The following ENPEP variants were observed in gnomAD, a reference collection of about 807,000 sequenced individuals.
ENPEP encodes glutamyl aminopeptidase, also known as AP-A.
Under a neutral mutation model 114.5 loss-of-function variants are expected in ENPEP, and 103 were observed. The ratio of observed to expected loss-of-function variants is 0.90; its 90% CI spans 0.77 to 1.06. The LOEUF is 1.06. Among genes scored for constraint, ENPEP ranks in the 50% least tolerant of loss-of-function variants. The pLI is 0.00. For missense variants in ENPEP, 1,196 were observed against 1,161.3 expected, an observed-to-expected ratio of 1.03 and a Z score of -0.43; for synonymous variants, 420 against 422.0, an observed-to-expected ratio of 1.00 and a Z score of 0.06.
intron 11 of ENPEP, among the ~76,000 whole-genome samples, chr4:110,535,353 A>G (rs1388708813): frequency 6.6e-6 from 1 of 152,164 alleles, no homozygotes; most frequent in Non-Finnish European, 1.5e-5. Context: ...TGTGATAATT[A>G]TACATAAATA....
intron 10 of ENPEP, 83 bp downstream of exon 10, chr4:110,520,449 A>C: frequency 7.2e-7 from 1 of 1,383,478 alleles, no homozygotes; most frequent in South Asian, 1.2e-5. Flanking sequence ...TGTTGAGTAC[A>C]TGATGGATGA....
intron 11 of ENPEP, among the ~76,000 whole-genome samples, chr4:110,536,897 C>T (rs548647364): frequency 2.0e-5 from 3 of 152,130 alleles, no homozygotes; most frequent in Non-Finnish European, 4.4e-5. Context: ...CGCAATAAAG[C>T]AAATATCACA....
chr4:110,520,828 G>A (rs1216831362), intron 10 of ENPEP, among the ~76,000 whole-genome samples: 1 of 152,162 alleles, frequency 6.6e-6, no homozygotes, highest in Non-Finnish European at 1.5e-5. Context: ...ACAATGAATT[G>A]AAAGTCTAGT....
At chr4:110,529,554 A>G (rs1262499033) in intron 10 of ENPEP, among the ~76,000 whole-genome samples, 1 of 152,196 alleles carries the variant, frequency 6.6e-6, no homozygotes, top group African/African-American at 2.4e-5. Flanking sequence ...TCCTGCAGGA[A>G]AGTCCTGGAG....
rs554993728 is a variant in ENPEP at position 110,563,634 on chromosome 4, A to G, written c.*2076A>G. 6.6e-6 allele frequency: 1 copy of G among 152,186 alleles called. No individual in the cohort carries two copies. Among genetic ancestry groups the G allele is most frequent in the South Asian group, 2.1e-4 (1 of 4,836 alleles). The allele number at this position is 152,186 out of a possible 1,614,324, so 9.4% of individuals were successfully genotyped here. A position where few individuals can be genotyped will look rare whatever the true frequency, so the allele number is the denominator to read the frequency against. On this transcript the variant is annotated 3_prime_UTR_variant, in exon 20 of 20. Transcript: ENST00000265162. ...TATGATGTTTCCAAAATTAAGCCAC[A>G]GTAAATTTAAATAATTAATTTTAAT...
chr4:110,541,847 A>AC (rs1726858037), intron 11 of ENPEP, among the ~76,000 whole-genome samples: 1 of 152,142 alleles, frequency 6.6e-6, no homozygotes, highest in East Asian at 1.9e-4. Flanking sequence ...ATGTAAACAA[A>AC]AGAGTGTATG....
chr4:110,555,217 T>C (rs114855002), intron 18 of ENPEP, among the ~76,000 whole-genome samples: 3,326 of 152,074 alleles, frequency 0.022, 108 homozygotes, highest in African/African-American at 0.076. Context: ...TGGCCCCAAA[T>C]GTAAAATTGC....
At chr4:110,546,316 C>T (rs1209318480) in intron 13 of ENPEP, among the ~76,000 whole-genome samples, 1 of 151,756 alleles carries the variant, frequency 6.6e-6, no homozygotes, top group Admixed American at 6.6e-5. Flanking sequence ...TTCTTCCCCC[C>T]ACCCCGCCCC....
chr4:110,525,622 T>A (rs1726166989), intron 10 of ENPEP, among the ~76,000 whole-genome samples: 1 of 151,864 alleles, frequency 6.6e-6, no homozygotes, highest in African/African-American at 2.4e-5. Context: ...AATTATCTTG[T>A]AGCAATTAGA....
At chr4:110,513,036 T>TA (rs1263128724) in intron 6 of ENPEP, 1 of 154,894 alleles carries the variant, frequency 6.5e-6, no homozygotes, top group Non-Finnish European at 1.4e-5. Flanking sequence ...GGCAAATTGA[T>TA]ATGCAACCTC....
intron 10 of ENPEP, among the ~76,000 whole-genome samples, chr4:110,527,950 T>C (rs1360967499): frequency 6.6e-6 from 1 of 152,202 alleles, no homozygotes; most frequent in Non-Finnish European, 1.5e-5. Flanking sequence ...TATGAATTTC[T>C]CTTCACACAA....
At chr4:110,522,846 C>T (rs1266718137) in intron 10 of ENPEP, among the ~76,000 whole-genome samples, 3 of 152,010 alleles carry the variant, frequency 2.0e-5, no homozygotes, top group Non-Finnish European at 4.4e-5. Flanking sequence ...ATGATTTCCA[C>T]ATAACACTTT....
Position 110,559,695 on chromosome 4 carries a change from G to T in ENPEP, c.2691G>T (p.Glu897Asp), listed in dbSNP as rs759127667. The T allele has an allele frequency of 1.2e-6, 2 of 1,613,746 alleles. No homozygotes were observed. Among genetic ancestry groups the T allele is most frequent in the Admixed American group, 3.3e-5 (2 of 59,986 alleles). Reference protein sequence around the residue: ...RNLGRIVTIAEPFNTELQLWQ... With the variant: ...RNLGRIVTIADPFNTELQLWQ... ...TTGGCCGAATTGTCACAATAGCAGA[G>T]CCATTCAACACTGAACTGCAACTGT... Residue 897 changes from glutamate to aspartate, a missense_variant, in exon 19 of 20, where the codon GAG becomes GAT. Coordinates refer to ENST00000265162, the MANE Select transcript of ENPEP (RefSeq NM_001977.4).
At chr4:110,544,463 C>G (rs930667151) in intron 13 of ENPEP, among the ~76,000 whole-genome samples, 1 of 152,034 alleles carries the variant, frequency 6.6e-6, no homozygotes, top group Non-Finnish European at 1.5e-5. Flanking sequence ...CAAGTTTAAC[C>G]TCCTGGATAT....
chr4:110,537,247 A>T (rs1726672599), intron 11 of ENPEP, among the ~76,000 whole-genome samples: 1 of 152,200 alleles, frequency 6.6e-6, no homozygotes, highest in Non-Finnish European at 1.5e-5. Flanking sequence ...TCTTTGAAGC[A>T]TGCGATGCTG....
intron 8 of ENPEP, chr4:110,515,867 C>T (rs1254567711): frequency 8.8e-6 from 4 of 454,512 alleles, no homozygotes; most frequent in East Asian, 1.4e-4. Context: ...GGTAGACTTC[C>T]CACTGTGTCC....
At chr4:110,539,754 T>A (rs1250191478) in intron 11 of ENPEP, among the ~76,000 whole-genome samples, 1 of 151,818 alleles carries the variant, frequency 6.6e-6, no homozygotes, top group Non-Finnish European at 1.5e-5. Context: ...AATTTTACAT[T>A]GAAAAATAAT....
chr4:110,507,829 G>A (rs1268057183), intron 4 of ENPEP, among the ~76,000 whole-genome samples: 1 of 152,104 alleles, frequency 6.6e-6, no homozygotes, highest in Non-Finnish European at 1.5e-5. Context: ...ACAAAAATTA[G>A]CCAGGTGTTG....
chr4:110,503,799 G>A lies in ENPEP; in HGVS notation c.919-2838G>A, dbSNP rs150325785. Among the ~76,000 whole-genome samples, 290 of 152,292 alleles carry A rather than the reference G, an allele frequency of 1.9e-3. 1 individual carries two copies. In the Middle Eastern group the frequency reaches 0.02, roughly 11 times the overall value. ...GTGTTTGTGCTGGGTCATTATTTGC[G>A]CTGAATTCATGTCCTTTGTTTCTCA... On this transcript the variant is annotated intron_variant, in intron 3 of 19. Transcript: ENST00000265162.
Sources: gnomAD v4.1 joint callset for allele counts (sites outside exome capture counted in the v4.1 genomes callset) on GRCh38, gnomAD v4.1.1 for gene constraint, MANE v1.5 for transcripts, NCBI Gene and HGNC (gene_info 2026-07-23, HGNC 2026-07-21) for gene names.